TTLL11: variants seen among roughly 807,000 people sequenced by gnomAD.
TTLL11 encodes the protein tubulin polyglutamylase TTLL11.
A neutral mutation model predicts 51.7 loss-of-function variants in TTLL11; 42 were observed. That is an observed-to-expected ratio of 0.81 (90% CI 0.64 to 1.05). TTLL11 has a LOEUF of 1.05. Among genes scored for constraint, TTLL11 ranks in the 50% least tolerant of loss-of-function variants. TTLL11 has a pLI of 0.00. For synonymous variants in TTLL11, 381 were observed against 383.5 expected (o/e 0.99, Z 0.08); for missense variants, 799 against 940.4 (o/e 0.85, Z 1.97).
At chr9:122,031,235 T>C (rs546592838) in intron 3 of TTLL11, among the ~76,000 whole-genome samples, 9 of 152,296 alleles carry the variant, frequency 5.9e-5, no homozygotes, top group Admixed American at 1.3e-4. Context: ...ATGGAATGGG[T>C]CACTTGACAA....
intron 6 of TTLL11, among the ~76,000 whole-genome samples, chr9:121,965,771 T>C (rs763306727): frequency 2.0e-5 from 3 of 152,188 alleles, no homozygotes; most frequent in Non-Finnish European, 2.9e-5. Flanking sequence ...TGAGGGGACT[T>C]CAATAAGAGG....
chr9:121,979,802 A>G (rs1842790239), intron 4 of TTLL11, among the ~76,000 whole-genome samples: 1 of 152,010 alleles, frequency 6.6e-6, no homozygotes, highest in South Asian at 2.1e-4. Flanking sequence ...ATGTCCTACA[A>G]ATTGCTCTAT....
At chr9:121,994,981 G>A (rs1358886333) in intron 3 of TTLL11, among the ~76,000 whole-genome samples, 1 of 152,200 alleles carries the variant, frequency 6.6e-6, no homozygotes, top group Non-Finnish European at 1.5e-5. Flanking sequence ...CCTATGTCTA[G>A]GTAGTCACAG....
At chr9:122,024,197 A>G (rs1844263748) in intron 3 of TTLL11, among the ~76,000 whole-genome samples, 1 of 152,188 alleles carries the variant, frequency 6.6e-6, no homozygotes, top group African/African-American at 2.4e-5. Context: ...CACTGCCAAT[A>G]TATCAAAAAT....
intron 6 of TTLL11, among the ~76,000 whole-genome samples, chr9:121,879,483 G>A (rs1838693811): frequency 6.6e-6 from 1 of 152,186 alleles, no homozygotes; most frequent in African/African-American, 2.4e-5. Context: ...GAACTTTGCT[G>A]CTGCCCAGGT....
chr9:122,040,056 ATC>A (rs144092018), intron 1 of TTLL11, among the ~76,000 whole-genome samples: 314 of 152,310 alleles, frequency 2.1e-3, no homozygotes, highest in African/African-American at 7.1e-3. Flanking sequence ...TCTTCCAGGA[ATC>A]TGGAAATCAG....
chr9:121,846,730 A>C (rs1222276806), intron 8 of TTLL11, among the ~76,000 whole-genome samples: 1 of 152,212 alleles, frequency 6.6e-6, no homozygotes, highest in Non-Finnish European at 1.5e-5. Flanking sequence ...AATATTTTAA[A>C]CTAGGCGAAG....
intron 7 of TTLL11, among the ~76,000 whole-genome samples, chr9:121,865,461 A>G (rs1026813033): frequency 6.6e-6 from 1 of 152,204 alleles, no homozygotes; most frequent in Non-Finnish European, 1.5e-5. Flanking sequence ...TGGTTTTGGC[A>G]AACTGCTTAA....
intron 1 of TTLL11, among the ~76,000 whole-genome samples, chr9:122,086,169 AT>A (rs1846117812): frequency 6.6e-6 from 1 of 152,214 alleles, no homozygotes; most frequent in Admixed American, 6.5e-5. Flanking sequence ...CACAGACACG[AT>A]TTTAATTTAT....
At chr9:121,854,642 G>T (rs181695153) in intron 8 of TTLL11, among the ~76,000 whole-genome samples, 2 of 152,286 alleles carry the variant, frequency 1.3e-5, no homozygotes, top group Non-Finnish European at 2.9e-5. Context: ...CCATGATTTT[G>T]CCTTTAATTG....
intron 6 of TTLL11, among the ~76,000 whole-genome samples, chr9:121,917,187 G>A (rs576038808): frequency 6.6e-6 from 1 of 152,242 alleles, no homozygotes; most frequent in Admixed American, 6.5e-5. Context: ...GTAGAGGGTG[G>A]CTGCACATGG....
At chr9:122,091,610 C>G (rs1846260648) in intron 1 of TTLL11, among the ~76,000 whole-genome samples, 1 of 152,170 alleles carries the variant, frequency 6.6e-6, no homozygotes, top group Admixed American at 6.5e-5. Flanking sequence ...CTGTATGTTC[C>G]AACTTAATGA....
intron 6 of TTLL11, among the ~76,000 whole-genome samples, chr9:121,914,311 A>G (rs1160849215): frequency 2.0e-5 from 3 of 152,254 alleles, no homozygotes. Flanking sequence ...GCAGAGCCTA[A>G]GCTAGTTCCT....
chr9:121,854,267 C>T (rs1319575754), intron 8 of TTLL11, among the ~76,000 whole-genome samples: 1 of 152,268 alleles, frequency 6.6e-6, no homozygotes, highest in Non-Finnish European at 1.5e-5. Flanking sequence ...TGTAGCTCAT[C>T]AAGCAGTGGA....
chr9:121,979,030 G>A (rs1842774995), intron 4 of TTLL11, among the ~76,000 whole-genome samples: 1 of 152,010 alleles, frequency 6.6e-6, no homozygotes, highest in African/African-American at 2.4e-5. Context: ...AGATAGAATA[G>A]GGCAGAAATG....
intron 4 of TTLL11, among the ~76,000 whole-genome samples, chr9:121,985,508 C>CATTT (rs1842919444): frequency 7.6e-6 from 1 of 131,342 alleles, no homozygotes; most frequent in African/African-American, 3.0e-5. Flanking sequence ...ATACCATTTT[C>CATTT]TTTTCTTTTT....
chr9:122,067,453 C>T (rs899407691), intron 1 of TTLL11, among the ~76,000 whole-genome samples: 1 of 152,172 alleles, frequency 6.6e-6, no homozygotes, highest in Non-Finnish European at 1.5e-5. Context: ...GCCAATATTA[C>T]TGCTGCAGAA....
At chr9:121,932,643 G>T (rs572919418) in intron 6 of TTLL11, among the ~76,000 whole-genome samples, 7 of 152,276 alleles carry the variant, frequency 4.6e-5, no homozygotes, top group African/African-American at 1.4e-4. Flanking sequence ...AGAAAATCTT[G>T]TCAAACCTTT....
At chr9:122,043,283 C>T (rs905016104) in intron 1 of TTLL11, among the ~76,000 whole-genome samples, 11 of 152,136 alleles carry the variant, frequency 7.2e-5, no homozygotes, top group African/African-American at 2.7e-4. Context: ...GTGGTACTGG[C>T]ATAAAGACAG....
Sources: allele counts gnomAD v4.1 joint callset (sites outside exome capture counted in the v4.1 genomes callset), GRCh38; gene constraint gnomAD v4.1.1; transcripts MANE v1.5; gene names NCBI Gene and HGNC (gene_info 2026-07-23, HGNC 2026-07-21).